PRDM6: variants seen among roughly 807,000 people sequenced by gnomAD.
The protein encoded by PRDM6 is putative histone-lysine N-methyltransferase PRDM6.
In PRDM6, 25 loss-of-function variants were observed where a neutral mutation model predicts 60.8. The observed-to-expected ratio is 0.41, with a 90% CI of 0.30 to 0.57. PRDM6 has a LOEUF of 0.57. Ranked by LOEUF, PRDM6 falls within the 20% of genes least tolerant of loss-of-function variation. The pLI, the probability that PRDM6 is intolerant of heterozygous loss-of-function variation, is 0.27. For synonymous variants in PRDM6, 407 were observed against 357.4 expected, an observed-to-expected ratio of 1.14 and a Z score of -1.57; for missense variants, 839 against 821.3, an observed-to-expected ratio of 1.02 and a Z score of -0.26.
At chr5:123,162,501 T>C (rs1379628223) in intron 5 of PRDM6, among the ~76,000 whole-genome samples, 2 of 152,208 alleles carry the variant, frequency 1.3e-5, no homozygotes, top group African/African-American at 4.8e-5. Context: ...ATATATGATA[T>C]ATCATTTAGC....
intron 4 of PRDM6, among the ~76,000 whole-genome samples, chr5:123,156,678 G>A (rs541587089): frequency 3.3e-5 from 5 of 152,286 alleles, no homozygotes; most frequent in Non-Finnish European, 5.9e-5. Flanking sequence ...GCAGGGTGGA[G>A]CCATCCCCAT....
chr5:123,149,809 A>C (rs1765332630), intron 3 of PRDM6, among the ~76,000 whole-genome samples: 1 of 152,202 alleles, frequency 6.6e-6, no homozygotes, highest in South Asian at 2.1e-4. Flanking sequence ...CCTTGATGTC[A>C]TTCCAAATCT....
intron 6 of PRDM6, among the ~76,000 whole-genome samples, chr5:123,174,666 A>G (rs1193605334): frequency 6.6e-6 from 1 of 152,176 alleles, no homozygotes; most frequent in Non-Finnish European, 1.5e-5. Context: ...TCAAAAGTCT[A>G]TGCCTTGATA....
intron 2 of PRDM6, among the ~76,000 whole-genome samples, chr5:123,093,212 G>A (rs1020816372): frequency 6.6e-6 from 1 of 152,152 alleles, no homozygotes; most frequent in Non-Finnish European, 1.5e-5. Context: ...GTACTTAAAA[G>A]GATAGGTATT....
At chr5:123,091,320 C>T (rs1295343672) in intron 2 of PRDM6, among the ~76,000 whole-genome samples, 1 of 152,340 alleles carries the variant, frequency 6.6e-6, no homozygotes, top group East Asian at 1.9e-4. Flanking sequence ...CCCGCTTTAT[C>T]CGCGCACCTT....
At chr5:123,104,070 A>G (rs1422839226) in intron 3 of PRDM6, among the ~76,000 whole-genome samples, 1 of 152,134 alleles carries the variant, frequency 6.6e-6, no homozygotes, top group Non-Finnish European at 1.5e-5. Flanking sequence ...AAGGGGGATA[A>G]CATAATGTGA....
intron 3 of PRDM6, among the ~76,000 whole-genome samples, chr5:123,105,686 G>A (rs115953859): frequency 0.018 from 2,682 of 152,170 alleles, 62 homozygotes; most frequent in African/African-American, 0.059. Context: ...TGCCTCCTTC[G>A]TTCTTTTTCT....
chr5:123,132,874 G>A (rs1764863558), intron 3 of PRDM6, among the ~76,000 whole-genome samples: 1 of 152,094 alleles, frequency 6.6e-6, no homozygotes, highest in African/African-American at 2.4e-5. Flanking sequence ...TTGCCAGGAT[G>A]TAGAAATTAT....
At chr5:123,129,941 T>C (rs1158302947) in intron 3 of PRDM6, among the ~76,000 whole-genome samples, 1 of 151,956 alleles carries the variant, frequency 6.6e-6, no homozygotes, top group African/African-American at 2.4e-5. Context: ...CCTGCCTGCC[T>C]GTCCACCTTC....
chr5:123,125,193 C>CA (rs538933609), intron 3 of PRDM6, among the ~76,000 whole-genome samples: 20 of 143,390 alleles, frequency 1.4e-4, no homozygotes, highest in Admixed American at 1.1e-3. Context: ...ACATGAGTGG[C>CA]AAAAAAGCCA....
intron 5 of PRDM6, among the ~76,000 whole-genome samples, chr5:123,160,449 A>G (rs1413300101): frequency 6.6e-6 from 1 of 152,240 alleles, no homozygotes; most frequent in Non-Finnish European, 1.5e-5. Context: ...ACATTGACTA[A>G]TTTGTGAGCT....
intron 3 of PRDM6, among the ~76,000 whole-genome samples, chr5:123,106,349 C>G (rs1267702482): frequency 6.6e-6 from 1 of 152,218 alleles, no homozygotes; most frequent in Non-Finnish European, 1.5e-5. Flanking sequence ...TTCAGCGCAT[C>G]CAGCATCATC....
Position 123,158,588 on chromosome 5 carries a change from T to C in PRDM6, c.1029-926T>C, listed in dbSNP as rs145020203. Among the ~76,000 whole-genome samples, 67 of 152,326 alleles carry C rather than the reference T, an allele frequency of 4.4e-4. 1 individual carries two copies. The East Asian group carries it at 0.011, about 25-fold the overall frequency. Reference sequence around the variant, plus strand: ...TATGATCCTATTGCCAAGAGCCACTTTGTGGTGACAAAATATGTTGACAAG... The same window carrying C: ...TATGATCCTATTGCCAAGAGCCACTCTGTGGTGACAAAATATGTTGACAAG... On this transcript the variant is annotated intron_variant, in intron 4 of 7. Coordinates refer to ENST00000407847, the MANE Select transcript of PRDM6 (RefSeq NM_001136239.4).
chr5:123,161,408 T>C (rs952499924), intron 5 of PRDM6, among the ~76,000 whole-genome samples: 3 of 152,084 alleles, frequency 2.0e-5, no homozygotes, highest in African/African-American at 7.2e-5. Context: ...GTTGGTCAGA[T>C]GGTGATAAGT....
chr5:123,178,296 G>A (rs1342810660), intron 6 of PRDM6, among the ~76,000 whole-genome samples: 6 of 152,014 alleles, frequency 3.9e-5, no homozygotes, highest in Non-Finnish European at 8.8e-5. Context: ...AAATGTTAAT[G>A]GTCCCTTCAC....
In PRDM6 at chr5:123,180,276, C is replaced by A. The variant is rs1288387754; in HGVS notation, c.1626C>A (p.Thr542=). ...GYCGRAFAGA[T]TLNNHIRTHT... is the part of the protein sequence containing the mutation. Reference sequence around the variant, plus strand: ...GTGGTCGTGCCTTTGCCGGGGCCACCACCCTCAACAACCACATCCGAACCC... The same window carrying A: ...GTGGTCGTGCCTTTGCCGGGGCCACAACCCTCAACAACCACATCCGAACCC... Residue 542 remains threonine (T), a synonymous_variant, in exon 7 of 8, where the codon ACC becomes ACA. Transcript: ENST00000407847. 2 of 1,551,734 alleles carry A rather than the reference C, an allele frequency of 1.3e-6. No homozygotes were observed. Among genetic ancestry groups the A allele is most frequent in the Admixed American group, 3.9e-5 (2 of 51,000 alleles).
intron 3 of PRDM6, among the ~76,000 whole-genome samples, chr5:123,111,753 C>T (rs560117558): frequency 1.5e-4 from 23 of 151,976 alleles, no homozygotes; most frequent in African/African-American, 5.5e-4. Context: ...TTCCTTGCCC[C>T]TTGTGGTTGT....
intron 7 of PRDM6, among the ~76,000 whole-genome samples, chr5:123,181,357 T>C (rs1028582612): frequency 2.6e-5 from 4 of 152,240 alleles, no homozygotes; most frequent in Non-Finnish European, 4.4e-5. Flanking sequence ...TAATCAATGC[T>C]ATCTGGTGGA....
rs1331415724 is a variant in PRDM6, at chr5:123,090,235, CCT to C, written c.229_230del (p.Ser77LeufsTer226). 2 of 1,478,532 alleles carry C rather than the reference CCT, an allele frequency of 1.4e-6. No individual in the cohort carries two copies. Among genetic ancestry groups the C allele is most frequent in the Non-Finnish European group, 1.8e-6 (2 of 1,114,688 alleles). 91.6% of individuals were successfully genotyped at this position (1,478,532 alleles called of 1,614,324 possible). The stretch of plus-strand genomic sequence containing the variant: ...CCGGACAGCCTGCGCCCGCGGCCCG[CCT>C]CTCTCTCCTCCGCCTCGTCCACGCC... On this transcript the variant is annotated frameshift_variant, in exon 2 of 8. Coordinates refer to ENST00000407847, the MANE Select transcript of PRDM6 (RefSeq NM_001136239.4). LOFTEE classifies it high-confidence loss of function.
Sources: gnomAD v4.1 joint callset for allele counts (sites outside exome capture counted in the v4.1 genomes callset) on GRCh38, gnomAD v4.1.1 for gene constraint, MANE v1.5 for transcripts, NCBI Gene and HGNC (gene_info 2026-07-23, HGNC 2026-07-21) for gene names.